TNPO1: variants seen among roughly 807,000 people sequenced by gnomAD.
The protein encoded by TNPO1 is transportin 1, also known as transportin-1.
TNPO1 carries 8 observed loss-of-function variants against 119.5 expected under a neutral mutation model. That is an observed-to-expected ratio of 0.07 (90% CI 0.04 to 0.12). TNPO1 has a LOEUF of 0.12. Ranked by LOEUF, TNPO1 falls within the 10% of genes least tolerant of loss-of-function variation. The pLI is 1.00. For synonymous variants in TNPO1, 362 were observed against 363.0 expected (o/e 1.00, Z 0.03); for missense variants, 576 against 1,089.8 (o/e 0.53, Z 6.64).
chr5:72,892,099 A>T (rs1561351914), intron 15 of TNPO1, among the ~76,000 whole-genome samples: 1 of 152,072 alleles, frequency 6.6e-6, no homozygotes, highest in East Asian at 1.9e-4. Flanking sequence ...TCTACTCTCT[A>T]TATAGAGTAG....
At chr5:72,848,324 G>C in intron 1 of TNPO1, 61 bp from the exon 2 acceptor site, 1 of 1,525,026 alleles carries the variant, frequency 6.6e-7, no homozygotes, top group Non-Finnish European at 8.8e-7. Flanking sequence ...GGAAGCCTCT[G>C]GGCCTGTGCA....
intron 1 of TNPO1, among the ~76,000 whole-genome samples, chr5:72,822,728 T>A (rs1164319522): frequency 6.6e-6 from 1 of 151,234 alleles, no homozygotes; most frequent in Non-Finnish European, 1.5e-5. Context: ...GAGTAGCTGG[T>A]ACTACAGGCA....
In TNPO1 at chr5:72,887,116, T is replaced by C. The variant is rs1194098872; in HGVS notation, c.1197T>C (p.Arg399=). The part of the protein sequence containing the change: ...AALDVLANVY[R]DELLPHILPL... ...TGGATGTTCTTGCAAATGTGTATCGTGATGAACTGCTGCCACATATTTTGC... is the reference window on the plus strand; with the variant it reads ...TGGATGTTCTTGCAAATGTGTATCGCGATGAACTGCTGCCACATATTTTGC... Residue 399 remains arginine (R), a synonymous_variant, in exon 12 of 25, where the codon CGT becomes CGC. Transcript: ENST00000337273. The C allele has an allele frequency of 5.0e-6, 8 of 1,613,972 alleles. No homozygotes were observed. The highest frequency in any genetic ancestry group is 6.8e-6 in the Non-Finnish European group (8 of 1,179,896).
intron 4 of TNPO1, among the ~76,000 whole-genome samples, chr5:72,858,175 A>T (rs1746147430): frequency 6.6e-6 from 1 of 152,298 alleles, no homozygotes; most frequent in African/African-American, 2.4e-5. Context: ...AAATGACATG[A>T]TGTCTAGGAT....
chr5:72,905,999 A>T (rs1331864231), intron 24 of TNPO1, among the ~76,000 whole-genome samples: 1 of 152,230 alleles, frequency 6.6e-6, no homozygotes, highest in African/African-American at 2.4e-5. Context: ...AATCGTAGGT[A>T]TAAAGAAATC....
At chr5:72,842,282 T>G (rs1432294623) in intron 1 of TNPO1, among the ~76,000 whole-genome samples, 1 of 152,204 alleles carries the variant, frequency 6.6e-6, no homozygotes, top group Non-Finnish European at 1.5e-5. Flanking sequence ...TTGATGTTTC[T>G]TTTGGAAAGG....
intron 14 of TNPO1, among the ~76,000 whole-genome samples, chr5:72,890,545 C>G (rs1452592109): frequency 6.6e-6 from 1 of 152,096 alleles, no homozygotes; most frequent in Non-Finnish European, 1.5e-5. Context: ...ATTGCTATAT[C>G]CAAAGTCTTA....
chr5:72,865,075 G>A (rs1318514956), intron 5 of TNPO1, among the ~76,000 whole-genome samples: 1 of 152,120 alleles, frequency 6.6e-6, no homozygotes, highest in East Asian at 1.9e-4. Context: ...GTCATTTAAT[G>A]CTAAAACTAA....
intron 1 of TNPO1, among the ~76,000 whole-genome samples, chr5:72,820,051 T>C (rs1743885342): frequency 6.6e-6 from 1 of 152,194 alleles, no homozygotes; most frequent in Non-Finnish European, 1.5e-5. Flanking sequence ...TTCCTTCCAA[T>C]GTTTTTTTCT....
chr5:72,897,063 G>A lies in TNPO1; in HGVS notation c.2250G>A (p.Glu750=), dbSNP rs1358153731. The A allele has an allele frequency of 6.3e-7, 1 of 1,594,746 alleles. No individual in the cohort carries two copies. The highest frequency in any genetic ancestry group is 8.5e-7 in the Non-Finnish European group (1 of 1,173,784). ...TTTTGGGATGATCTCTAGGTATAGA[G>A]ATGCAGCCTTATATTCCTATGGTGT... ...IGEISIQMGI[E]MQPYIPMVLH... Residue 750 remains glutamate, a synonymous_variant, in exon 20 of 25, where the codon GAG becomes GAA. Transcript: ENST00000337273.
intron 3 of TNPO1, among the ~76,000 whole-genome samples, chr5:72,852,574 A>G (rs906646997): frequency 1.3e-5 from 2 of 152,238 alleles, no homozygotes; most frequent in African/African-American, 2.4e-5. Flanking sequence ...CCATGGTGCA[A>G]TTAATAAAAT....
chr5:72,825,071 A>G (rs1019093391), intron 1 of TNPO1, among the ~76,000 whole-genome samples: 2 of 152,104 alleles, frequency 1.3e-5, no homozygotes, highest in Non-Finnish European at 1.5e-5. Context: ...TGTATCGTCA[A>G]AATACATCGA....
chr5:72,892,449 G>A (rs557197288), intron 15 of TNPO1, among the ~76,000 whole-genome samples: 4 of 152,056 alleles, frequency 2.6e-5, no homozygotes, highest in African/African-American at 7.2e-5. Flanking sequence ...ATCTTCTACC[G>A]TGGATTGTTC....
At chr5:72,886,902 A>C (rs1179068380) in intron 11 of TNPO1, among the ~76,000 whole-genome samples, 168 bp from the exon 12 acceptor site, 5 of 151,616 alleles carry the variant, frequency 3.3e-5, no homozygotes, top group African/African-American at 4.8e-5. Context: ...AAAAAAAAAA[A>C]AAAAAAAAAC....
rs1222371388 is a variant in TNPO1 at position 72,865,572 on chromosome 5, A to G, written c.463-24A>G. The G allele has an allele frequency of 1.9e-6, 3 of 1,603,680 alleles. No homozygotes were observed. The East Asian group carries it at 6.7e-5, about 36-fold the overall frequency. On this transcript the variant is annotated intron_variant, in intron 5 of 24. Transcript: ENST00000337273. The stretch of plus-strand genomic sequence containing the variant: ...ATGGCTTCATTTTTAACAAATTCTG[A>G]TAATTTAAATGTGTCTCTTACAGGG...
chr5:72,866,047 G>A (rs1746865591), intron 6 of TNPO1, among the ~76,000 whole-genome samples: 1 of 152,064 alleles, frequency 6.6e-6, no homozygotes, highest in Non-Finnish European at 1.5e-5. Context: ...TTTTGTTTTT[G>A]TTTTTGTTTT....
chr5:72,855,417 G>A (rs1561312445), intron 3 of TNPO1, among the ~76,000 whole-genome samples: 1 of 152,110 alleles, frequency 6.6e-6, no homozygotes, highest in African/African-American at 2.4e-5. Flanking sequence ...TAAATCAGTG[G>A]TTCTCAACCA....
intron 13 of TNPO1, 127 bp downstream of exon 13, chr5:72,888,430 A>G (rs1431073539): frequency 1.2e-6 from 1 of 820,516 alleles, no homozygotes; most frequent in African/African-American, 1.7e-5. Flanking sequence ...CAGTTATATC[A>G]GAAAGCTTAG....
chr5:72,864,878 G>A (rs1180211149), intron 5 of TNPO1, among the ~76,000 whole-genome samples: 5 of 151,920 alleles, frequency 3.3e-5, no homozygotes, highest in Admixed American at 3.3e-4. Context: ...CAAAGTGCTG[G>A]GATTACAGGC....
Sources: gnomAD v4.1 joint callset for allele counts (sites outside exome capture counted in the v4.1 genomes callset) on GRCh38, gnomAD v4.1.1 for gene constraint, MANE v1.5 for transcripts, NCBI Gene and HGNC (gene_info 2026-07-23, HGNC 2026-07-21) for gene names.